TLK1: variants seen among roughly 807,000 people sequenced by gnomAD.
The protein encoded by TLK1 is tousled like kinase 1.
A neutral mutation model predicts 105.3 loss-of-function variants in TLK1; 24 were observed. The observed-to-expected ratio is 0.23, with a 90% CI of 0.17 to 0.32. The LOEUF (loss-of-function observed/expected upper bound fraction) is 0.32. Among genes scored for constraint, TLK1 ranks in the 10% least tolerant of loss-of-function variants. TLK1 has a pLI of 1.00. For synonymous variants in TLK1, 321 were observed against 310.4 expected (o/e 1.03, Z -0.36); for missense variants, 558 against 910.5 (o/e 0.61, Z 4.98).
At chr2:171,176,031 G>T (rs1472632600) in intron 1 of TLK1, among the ~76,000 whole-genome samples, 1 of 151,992 alleles carries the variant, frequency 6.6e-6, no homozygotes, top group Non-Finnish European at 1.5e-5. Context: ...CCACCTCCTG[G>T]GTTCAAGCGA....
At chr2:171,218,253 T>TAACA (rs748539646) in intron 1 of TLK1, among the ~76,000 whole-genome samples, 34 of 151,906 alleles carry the variant, frequency 2.2e-4, no homozygotes, top group African/African-American at 7.0e-4. Context: ...CTCCATCGCA[T>TAACA]AACAAACAAA....
intron 1 of TLK1, among the ~76,000 whole-genome samples, chr2:171,158,279 T>A (rs889472846): frequency 6.6e-6 from 1 of 152,170 alleles, no homozygotes; most frequent in Non-Finnish European, 1.5e-5. Context: ...CAAAAGCCTG[T>A]CCTATGATTT....
intron 2 of TLK1, among the ~76,000 whole-genome samples, chr2:171,102,205 C>T (rs746681656): frequency 3.9e-5 from 6 of 152,074 alleles, no homozygotes; most frequent in Admixed American, 2.0e-4. Context: ...CAGGTGAGTA[C>T]GTACCAGATT....
Position 171,079,095 on chromosome 2 carries a change from G to T in TLK1, c.330+3686C>A, listed in dbSNP as rs955309911. Reference sequence around the variant, plus strand: ...GCTGGGTATTTTTTAAAGCTTTTCCGGAGATCTAAAGAGCAGTAGTGGCTG... The same window carrying T: ...GCTGGGTATTTTTTAAAGCTTTTCCTGAGATCTAAAGAGCAGTAGTGGCTG... On this transcript the variant is annotated intron_variant, in intron 3 of 20. Transcript: ENST00000431350. Among the ~76,000 whole-genome samples, 3 of 152,154 alleles carry T rather than the reference G, an allele frequency of 2.0e-5. No homozygotes were observed. In the East Asian group the frequency reaches 5.8e-4, roughly 29 times the overall value.
intron 18 of TLK1, among the ~76,000 whole-genome samples, chr2:171,000,731 A>C (rs984451448): frequency 5.9e-5 from 9 of 152,292 alleles, no homozygotes; most frequent in Admixed American, 3.9e-4. Flanking sequence ...GCTTTTTCAT[A>C]TAGTATCAAT....
At chr2:171,042,341 C>G (rs947452733) in intron 11 of TLK1, among the ~76,000 whole-genome samples, 1 of 152,112 alleles carries the variant, frequency 6.6e-6, no homozygotes, top group Non-Finnish European at 1.5e-5. Flanking sequence ...AACTCCTGGG[C>G]TCAAGAGATC....
intron 1 of TLK1, among the ~76,000 whole-genome samples, chr2:171,210,548 A>AT (rs1693594378): frequency 1.3e-5 from 2 of 152,204 alleles, no homozygotes; most frequent in African/African-American, 4.8e-5. Context: ...TCTGACTAGT[A>AT]TATCCAATTA....
intron 14 of TLK1, among the ~76,000 whole-genome samples, chr2:171,007,984 T>C (rs1684724537): frequency 6.6e-6 from 1 of 152,178 alleles, no homozygotes; most frequent in African/African-American, 2.4e-5. Context: ...AGACATTTAA[T>C]AATTTTGGTT....
At chr2:171,218,891 T>G (rs1693760257) in intron 1 of TLK1, among the ~76,000 whole-genome samples, 1 of 152,164 alleles carries the variant, frequency 6.6e-6, no homozygotes, top group Non-Finnish European at 1.5e-5. Context: ...AACACAAACA[T>G]TCAAACCATA....
At chr2:171,106,099 C>A (rs139831225) in intron 2 of TLK1, among the ~76,000 whole-genome samples, 1 of 152,152 alleles carries the variant, frequency 6.6e-6, no homozygotes, top group Admixed American at 6.5e-5. Context: ...TAGCCAGGCA[C>A]AGAAAGATAA....
chr2:171,059,206 C>T (rs1174312505), intron 4 of TLK1, among the ~76,000 whole-genome samples: 1 of 152,134 alleles, frequency 6.6e-6, no homozygotes, highest in Non-Finnish European at 1.5e-5. Flanking sequence ...AAGGGACTTC[C>T]CTTCTGTCCA....
At chr2:171,074,462 T>C (rs1244513232) in intron 3 of TLK1, among the ~76,000 whole-genome samples, 2 of 151,710 alleles carry the variant, frequency 1.3e-5, no homozygotes, top group Non-Finnish European at 2.9e-5. Context: ...ACCTTGTCTC[T>C]ACTGAAAATA....
chr2:171,114,382 G>A (rs1323158578), intron 2 of TLK1, among the ~76,000 whole-genome samples: 2 of 152,160 alleles, frequency 1.3e-5, no homozygotes, highest in Non-Finnish European at 2.9e-5. Flanking sequence ...ATTTGGGTTG[G>A]TCTAATCTAA....
At chr2:171,045,692 T>C (rs1686930134) in intron 11 of TLK1, 1 of 152,362 alleles carries the variant, frequency 6.6e-6, no homozygotes. Flanking sequence ...AATGTCTTTG[T>C]CCTTTAAATT....
chr2:171,020,875 T>C (rs888768684), intron 12 of TLK1, among the ~76,000 whole-genome samples: 1 of 152,158 alleles, frequency 6.6e-6, no homozygotes, highest in Admixed American at 6.5e-5. Context: ...TCATTAAATA[T>C]TGGGGGCTTT....
Position 171,117,724 on chromosome 2 carries a change from G to A in TLK1, c.258+15C>T, listed in dbSNP as rs777117188. 2.4e-5 allele frequency: 38 copies of A among 1,584,510 alleles called. No homozygotes were observed. In the Middle Eastern group the frequency reaches 1.8e-3, roughly 77 times the overall value. ...GAAAGAAAGACTGTCAAATAAAGATGAGAATTTTGCTCACTTTAGCTCCAA... is the reference window on the plus strand; with the variant it reads ...GAAAGAAAGACTGTCAAATAAAGATAAGAATTTTGCTCACTTTAGCTCCAA... On this transcript the variant is annotated intron_variant, in intron 2 of 20. Transcript: ENST00000431350.
At chr2:171,170,704 C>T (rs1692711349) in intron 1 of TLK1, among the ~76,000 whole-genome samples, 1 of 152,196 alleles carries the variant, frequency 6.6e-6, no homozygotes, top group Admixed American at 6.5e-5. Context: ...AAGTTGGCAC[C>T]AGACTTTGCA....
At position 171,006,838 on chromosome 2, in the gene TLK1, T is replaced by A; in HGVS notation, c.1560A>T (p.Ile520=). The part of the protein sequence containing the change: ...RIHKELDHPR[I]VKLYDYFSLD... ...AGGAGAAATAATCATAGAGTTTAAC[T>A]ATTCTGGGGTGATCCAGTTCTTTGT... Residue 520 remains isoleucine, a synonymous_variant, in exon 16 of 21, where the codon ATA becomes ATT. Coordinates refer to ENST00000431350, the MANE Select transcript of TLK1 (RefSeq NM_012290.5). 1 of 1,613,254 alleles carries A rather than the reference T, an allele frequency of 6.2e-7. No individual in the cohort carries two copies. The highest frequency in any genetic ancestry group is 8.5e-7 in the Non-Finnish European group (1 of 1,179,488).
chr2:171,034,739 A>G (rs914062415), intron 11 of TLK1, among the ~76,000 whole-genome samples: 2 of 152,198 alleles, frequency 1.3e-5, no homozygotes, highest in African/African-American at 2.4e-5. Flanking sequence ...ATGTTACATA[A>G]ATTTAACCTC....
Sources: allele counts gnomAD v4.1 joint callset (sites outside exome capture counted in the v4.1 genomes callset), GRCh38; gene constraint gnomAD v4.1.1; transcripts MANE v1.5; gene names NCBI Gene and HGNC (gene_info 2026-07-23, HGNC 2026-07-21).